Variants in ZFHX3 observed in about 807,000 individuals in gnomAD.
ZFHX3 encodes zinc finger homeobox 3.
A neutral mutation model predicts 279.1 loss-of-function variants in ZFHX3; 42 were observed. The observed-to-expected ratio is 0.15, with a 90% CI of 0.12 to 0.19. The LOEUF (loss-of-function observed/expected upper bound fraction) is 0.19. Ranked by LOEUF, ZFHX3 falls within the 10% of genes least tolerant of loss-of-function variation. The pLI is 1.00. For missense variants in ZFHX3, 4,981 were observed against 4,754.0 expected (o/e 1.05, Z -1.40); for synonymous variants, 2,293 against 1,957.8 (o/e 1.17, Z -4.52).
intron 2 of ZFHX3, among the ~76,000 whole-genome samples, chr16:73,537,831 T>C (rs1341486868): frequency 6.6e-6 from 1 of 152,210 alleles, no homozygotes; most frequent in Non-Finnish European, 1.5e-5. Context: ...GGACAAAAGC[T>C]GACCATTTAG....
intron 2 of ZFHX3, among the ~76,000 whole-genome samples, chr16:73,513,940 CAGA>C (rs1424219923): frequency 1.3e-5 from 2 of 152,110 alleles, no homozygotes; most frequent in African/African-American, 4.8e-5. Flanking sequence ...GTTGGTAACG[CAGA>C]AGAAGGCTGC....
At chr16:72,950,114 A>C (rs1216106696) in intron 3 of ZFHX3, among the ~76,000 whole-genome samples, 2 of 151,514 alleles carry the variant, frequency 1.3e-5, no homozygotes, top group Non-Finnish European at 2.9e-5. Context: ...GAGATGGAAA[A>C]GGAGAACAGA....
In ZFHX3 at chr16:73,330,532, A is replaced by C. The variant is rs555379277; in HGVS notation, c.-1290-12196T>G. On this transcript the variant is annotated intron_variant, in intron 3 of 17. Coordinates refer to the ZFHX3 transcript ENST00000641206. ...GCAAACGTCAGGATTTTGTAGTCAG[A>C]AACTGCATTGGTTGTTTATTTAAGG... 2.6e-5 allele frequency among the ~76,000 whole-genome samples: 4 copies of C among 152,298 alleles called. No individual in the cohort carries two copies. The South Asian group carries it at 8.3e-4, about 32-fold the overall frequency.
At chr16:73,667,727 A>G (rs2052859316) in intron 2 of ZFHX3, among the ~76,000 whole-genome samples, 1 of 152,202 alleles carries the variant, frequency 6.6e-6, no homozygotes, top group Non-Finnish European at 1.5e-5. Flanking sequence ...CATAATATAG[A>G]CTGAACCAAC....
In ZFHX3 at chr16:73,010,008, G is replaced by A. The variant is rs751858472; in HGVS notation, c.-50+37744C>T. Among the ~76,000 whole-genome samples, 11 of 131,076 alleles carry A rather than the reference G, an allele frequency of 8.4e-5. No individual in the cohort carries two copies. The East Asian group carries it at 1.8e-3, about 21-fold the overall frequency. The allele number at this position is 131,076 out of a possible 152,430, so 86.0% of individuals were successfully genotyped here. A position where few individuals can be genotyped will look rare whatever the true frequency, so the allele number is the denominator to read the frequency against. Reference sequence around the variant, plus strand: ...TGCACTCCAGCCTGGGTTACAGAGCGAGACTCCCTCTCAAAGAAAAAAAAA... The same window carrying A: ...TGCACTCCAGCCTGGGTTACAGAGCAAGACTCCCTCTCAAAGAAAAAAAAA... On this transcript the variant is annotated intron_variant, in intron 1 of 9. Transcript: ENST00000268489.
chr16:73,430,660 TG>T (rs1402856971), intron 3 of ZFHX3, among the ~76,000 whole-genome samples: 2 of 152,204 alleles, frequency 1.3e-5, no homozygotes, highest in Non-Finnish European at 2.9e-5. Context: ...GCTGAGCCTG[TG>T]GGGGTATTAA....
intron 1 of ZFHX3, chr16:73,809,719 G>C (rs1210941845): frequency 6.6e-6 from 1 of 152,144 alleles, no homozygotes; most frequent in African/African-American, 2.4e-5. Context: ...GGAATAAACG[G>C]AGGGGATTTT....
At chr16:73,227,596 C>A (rs949690960) in intron 5 of ZFHX3, among the ~76,000 whole-genome samples, 3 of 151,992 alleles carry the variant, frequency 2.0e-5, no homozygotes, top group Non-Finnish European at 4.4e-5. Context: ...CATCTGTAAT[C>A]CGAGGACTTT....
chr16:73,144,159 C>T (rs529399526), intron 5 of ZFHX3, among the ~76,000 whole-genome samples: 25 of 152,112 alleles, frequency 1.6e-4, no homozygotes, highest in Admixed American at 7.2e-4. Flanking sequence ...CACTCTAAGT[C>T]GAACTAAAGA....
At chr16:73,172,847 C>G (rs1208158092) in intron 5 of ZFHX3, among the ~76,000 whole-genome samples, 1 of 151,542 alleles carries the variant, frequency 6.6e-6, no homozygotes, top group Non-Finnish European at 1.5e-5. Flanking sequence ...CGCCCTAAAA[C>G]TTTTCCCTTG....
At chr16:73,780,948 A>C (rs1959449692) in intron 1 of ZFHX3, among the ~76,000 whole-genome samples, 1 of 152,218 alleles carries the variant, frequency 6.6e-6, no homozygotes, top group South Asian at 2.1e-4. Context: ...TACACATGAA[A>C]GGTAATATCA....
intron 5 of ZFHX3, among the ~76,000 whole-genome samples, chr16:73,186,485 C>T (rs1303014986): frequency 6.6e-6 from 1 of 151,692 alleles, no homozygotes; most frequent in Non-Finnish European, 1.5e-5. Flanking sequence ...CAGTAGTGTG[C>T]AAGGTATATA....
intron 8 of ZFHX3, among the ~76,000 whole-genome samples, chr16:73,071,361 C>T (rs1314067170): frequency 6.6e-6 from 1 of 152,130 alleles, no homozygotes; most frequent in Non-Finnish European, 1.5e-5. Context: ...GGCTCCCCTG[C>T]CTTCCCCACT....
At position 72,959,222 on chromosome 16, in the gene ZFHX3, G is replaced by C; in HGVS notation, c.924C>G (p.Thr308=). 1.2e-6 allele frequency: 2 copies of C among 1,614,164 alleles called. No homozygotes were observed. Among genetic ancestry groups the C allele is most frequent in the South Asian group, 1.1e-5 (1 of 91,076 alleles). The part of the protein sequence containing the change: ...VTHAVHDHRM[T]LSEDERKILS... ...GAATTTTCCGCTCGTCTTCGCTCAG[G>C]GTCATTCGATGGTCATGCACCGCGT... Residue 308 remains threonine, a synonymous_variant, in exon 2 of 10, where the codon ACC becomes ACG. Transcript: ENST00000268489.
At chr16:73,559,124 T>C (rs751461503) in intron 2 of ZFHX3, among the ~76,000 whole-genome samples, 1 of 151,888 alleles carries the variant, frequency 6.6e-6, no homozygotes, top group Non-Finnish European at 1.5e-5. Flanking sequence ...CACGGCTCAC[T>C]GCAGCTTTGA....
chr16:73,445,070 G>A lies in ZFHX3; in HGVS notation c.-1291+10933C>T, dbSNP rs182719446. The stretch of plus-strand genomic sequence containing the variant: ...GAATTGCTTGAACCCGGGAGGCGGA[G>A]GTTACAGTGAGCGGAGATTGCGCCA... On this transcript the variant is annotated intron_variant, in intron 3 of 17. Coordinates refer to the ZFHX3 transcript ENST00000641206. Among the ~76,000 whole-genome samples the A allele has an allele frequency of 4.4e-3, 662 of 151,698 alleles. 6 individuals carry two copies. The highest frequency in any genetic ancestry group is 0.015 in the African/African-American group (634 of 41,354).
intron 7 of ZFHX3, among the ~76,000 whole-genome samples, chr16:73,128,274 T>C (rs959887216): frequency 1.6e-4 from 25 of 152,322 alleles, no homozygotes; most frequent in African/African-American, 4.8e-4. Context: ...TTTATTTATA[T>C]ACAGCACATG....
chr16:73,070,416 CTAT>C (rs1035495218), intron 8 of ZFHX3, among the ~76,000 whole-genome samples: 51 of 152,152 alleles, frequency 3.4e-4, no homozygotes, highest in African/African-American at 1.0e-3. Flanking sequence ...GTCCCCACCT[CTAT>C]TATTTTTTTT....
At chr16:73,713,272 A>G (rs2053381919) in intron 1 of ZFHX3, among the ~76,000 whole-genome samples, 1 of 152,184 alleles carries the variant, frequency 6.6e-6, no homozygotes, top group African/African-American at 2.4e-5. Context: ...CACTCAAACA[A>G]AAGAGCTGCG....
Sources: allele counts gnomAD v4.1 joint callset (sites outside exome capture counted in the v4.1 genomes callset), GRCh38; gene constraint gnomAD v4.1.1; transcripts MANE v1.5; gene names NCBI Gene and HGNC (gene_info 2026-07-23, HGNC 2026-07-21).